The following SPMAP2L variants were observed in gnomAD, a reference collection of about 807,000 sequenced individuals.
The protein encoded by SPMAP2L is sperm microtubule associated protein 2-like.
At chr4:56,568,385 G>C in the SPMAP2L span, among the ~76,000 whole-genome samples, 3 of 152,152 alleles carry the variant, frequency 2.0e-5, no homozygotes, top group Admixed American at 6.5e-5. Flanking sequence ...ACTGGCTCCT[G>C]GATGTTTTTG....
At chr4:56,583,512 A>C in the SPMAP2L span, among the ~76,000 whole-genome samples, 21 of 152,262 alleles carry the variant, frequency 1.4e-4, no homozygotes, top group African/African-American at 4.6e-4. Flanking sequence ...CTAATAGCCT[A>C]CCCCTAGAGA....
At chr4:56,611,854 A>G in the SPMAP2L span, among the ~76,000 whole-genome samples, 5 of 152,116 alleles carry the variant, frequency 3.3e-5, no homozygotes, top group Admixed American at 6.5e-5. Flanking sequence ...AGTTCTAGTT[A>G]ACCCCCTTCA....
the SPMAP2L span, among the ~76,000 whole-genome samples, chr4:56,610,811 G>T: frequency 6.6e-6 from 1 of 152,044 alleles, no homozygotes; most frequent in South Asian, 2.1e-4. Flanking sequence ...CTCAAAGGAA[G>T]ATATACAAAT....
At chr4:56,537,132 G>A in the SPMAP2L span, among the ~76,000 whole-genome samples, 2 of 152,082 alleles carry the variant, frequency 1.3e-5, no homozygotes, top group East Asian at 1.9e-4. Flanking sequence ...CTCCCTTCTC[G>A]TGGCCTCTGT....
At chr4:56,559,070 A>T in the SPMAP2L span, among the ~76,000 whole-genome samples, 1 of 151,702 alleles carries the variant, frequency 6.6e-6, no homozygotes, top group African/African-American at 2.4e-5. Flanking sequence ...AGTAGCTGGG[A>T]TTATAGGCAT....
At chr4:56,596,567 A>T in the SPMAP2L span, 3 of 1,534,350 alleles carry the variant, frequency 2.0e-6, no homozygotes, top group Non-Finnish European at 1.7e-6. Context: ...GAGCTTGCCC[A>T]CCCAAGGATC....
the SPMAP2L span, among the ~76,000 whole-genome samples, chr4:56,561,476 T>G: frequency 2.0e-5 from 3 of 152,052 alleles, no homozygotes; most frequent in Non-Finnish European, 4.4e-5. Context: ...TCATGCTACC[T>G]CATAACATGA....
the SPMAP2L span, among the ~76,000 whole-genome samples, chr4:56,588,321 A>G: frequency 6.6e-6 from 1 of 152,096 alleles, no homozygotes; most frequent in Non-Finnish European, 1.5e-5. Context: ...TAGTTTAATT[A>G]AGTCTCAGCT....
At chr4:56,623,389 C>CT in the SPMAP2L span, among the ~76,000 whole-genome samples, 7 of 152,222 alleles carry the variant, frequency 4.6e-5, no homozygotes, top group Non-Finnish European at 1.0e-4. Context: ...CAAAAAAACA[C>CT]TTTCAAGCTT....
At chr4:56,575,589 G>A in the SPMAP2L span, 2 of 1,535,414 alleles carry the variant, frequency 1.3e-6, no homozygotes, top group Non-Finnish European at 8.7e-7. Flanking sequence ...CCTCCAAAAG[G>A]ATCCAGAGGC....
At chr4:56,602,919 C>G in the SPMAP2L span, among the ~76,000 whole-genome samples, 1 of 152,104 alleles carries the variant, frequency 6.6e-6, no homozygotes, top group South Asian at 2.1e-4. Context: ...AAACTCAGGT[C>G]TGTCTGATTC....
At chr4:56,587,480 C>T in the SPMAP2L span, among the ~76,000 whole-genome samples, 1 of 142,774 alleles carries the variant, frequency 7.0e-6, no homozygotes, top group Non-Finnish European at 1.5e-5. Context: ...CCCACTCTTC[C>T]CCCCCAAGTC....
chr4:56,543,391 C>T, the SPMAP2L span, among the ~76,000 whole-genome samples: 7 of 149,190 alleles, frequency 4.7e-5, no homozygotes, highest in Non-Finnish European at 1.0e-4. Context: ...CCATGTTTTG[C>T]TTTTTAAAAT....
chr4:56,584,456 A>G, the SPMAP2L span: 1 of 1,337,870 alleles, frequency 7.5e-7, no homozygotes. Flanking sequence ...TTGTTTCTCC[A>G]TCCAACAGTT....
chr4:56,565,289 G>A, the SPMAP2L span, among the ~76,000 whole-genome samples: 1 of 152,050 alleles, frequency 6.6e-6, no homozygotes, highest in East Asian at 1.9e-4. Flanking sequence ...CATAATTGTG[G>A]ATTTGTCTAT....
chr4:56,597,649 T>C, the SPMAP2L span, among the ~76,000 whole-genome samples: 11 of 152,282 alleles, frequency 7.2e-5, no homozygotes, highest in African/African-American at 2.2e-4. Flanking sequence ...TTTTGGTATG[T>C]AAAAATGGAA....
chr4:56,585,876 A>G, the SPMAP2L span, among the ~76,000 whole-genome samples: 1 of 152,334 alleles, frequency 6.6e-6, no homozygotes, highest in South Asian at 2.1e-4. Flanking sequence ...AAATCTAATC[A>G]GTTTGGAAAA....
the SPMAP2L span, among the ~76,000 whole-genome samples, chr4:56,536,274 C>T: frequency 1.3e-5 from 2 of 152,242 alleles, no homozygotes; most frequent in Admixed American, 1.3e-4. Flanking sequence ...TCCATGACAT[C>T]ATGTCCTACT....
the SPMAP2L span, among the ~76,000 whole-genome samples, chr4:56,604,914 A>G: frequency 1.3e-5 from 2 of 152,164 alleles, no homozygotes; most frequent in African/African-American, 4.8e-5. Flanking sequence ...GGAAAAACCA[A>G]ACATTGTATA....
Sources: allele counts gnomAD v4.1 joint callset (sites outside exome capture counted in the v4.1 genomes callset), GRCh38; gene constraint gnomAD v4.1.1; transcripts MANE v1.5; gene names NCBI Gene and HGNC (gene_info 2026-07-23, HGNC 2026-07-21).